Variants in CCM2 observed in about 807,000 individuals in gnomAD.
CCM2 encodes CCM2 scaffold protein, also known as cerebral cavernous malformations 2 protein.
In CCM2, 25 loss-of-function variants were observed where a neutral mutation model predicts 44.9. The observed-to-expected ratio is 0.56, with a 90% CI of 0.41 to 0.78. CCM2 has a LOEUF of 0.78. Among genes scored for constraint, CCM2 ranks in the 30% least tolerant of loss-of-function variants. The pLI, the probability that CCM2 is intolerant of heterozygous loss-of-function variation, is 0.00. For synonymous variants in CCM2, 219 were observed against 241.1 expected, an observed-to-expected ratio of 0.91 and a Z score of 0.85; for missense variants, 481 against 580.6, an observed-to-expected ratio of 0.83 and a Z score of 1.76.
chr7:45,073,343 A>G (rs1427617056), intron 7 of CCM2, 117 bp from the exon 8 acceptor site: 2 of 718,334 alleles, frequency 2.8e-6, no homozygotes, highest in Non-Finnish European at 5.0e-6. Context: ...ATCATCACTT[A>G]CATTCCTCTG....
At chr7:45,004,679 T>A (rs1795774419) in intron 1 of CCM2, among the ~76,000 whole-genome samples, 1 of 152,150 alleles carries the variant, frequency 6.6e-6, no homozygotes, top group African/African-American at 2.4e-5. Context: ...TTAAACGCTC[T>A]GATTTTTTAA....
At chr7:45,046,215 C>G (rs1254635251) in intron 2 of CCM2, among the ~76,000 whole-genome samples, 3 of 152,188 alleles carry the variant, frequency 2.0e-5, no homozygotes, top group Admixed American at 1.3e-4. Context: ...CAAGACTATT[C>G]TTAAAGTGCA....
chr7:45,069,543 A>G (rs1798951349), intron 5 of CCM2, among the ~76,000 whole-genome samples: 1 of 152,240 alleles, frequency 6.6e-6, no homozygotes, highest in South Asian at 2.1e-4. Flanking sequence ...AATGGAAAGA[A>G]GACGTTGGAC....
chr7:45,069,469 G>A (rs942803850), intron 5 of CCM2, among the ~76,000 whole-genome samples: 1 of 152,208 alleles, frequency 6.6e-6, no homozygotes, highest in African/African-American at 2.4e-5. Flanking sequence ...TGATACTGAT[G>A]GTATCTCCTC....
chr7:45,038,171 G>T, intron 1 of CCM2, 82 bp from the exon 2 acceptor site: 1 of 1,547,722 alleles, frequency 6.5e-7, no homozygotes, highest in Admixed American at 1.7e-5. Flanking sequence ...AGTAGTTTTG[G>T]CTACTTCTGT....
At chr7:45,072,980 C>T (rs1799154232) in intron 7 of CCM2, 197 bp downstream of exon 7, 1 of 666,914 alleles carries the variant, frequency 1.5e-6, no homozygotes, top group South Asian at 1.6e-5. Context: ...AGAGCCCTTG[C>T]TGTCCCTCTT....
intron 1 of CCM2, among the ~76,000 whole-genome samples, chr7:45,021,370 C>G (rs1224850160): frequency 2.0e-5 from 3 of 151,984 alleles, no homozygotes; most frequent in African/African-American, 7.2e-5. Context: ...CAAGACCAGC[C>G]TGGCCAACAT....
At chr7:45,035,638 A>G (rs1797179631) in intron 1 of CCM2, among the ~76,000 whole-genome samples, 1 of 152,162 alleles carries the variant, frequency 6.6e-6, no homozygotes, top group South Asian at 2.1e-4. Context: ...AGGCGGATGC[A>G]GGGGTGGGTC....
At chr7:45,040,245 G>A (rs549842629) in intron 2 of CCM2, among the ~76,000 whole-genome samples, 29 of 151,958 alleles carry the variant, frequency 1.9e-4, no homozygotes, top group South Asian at 6.2e-4. Context: ...TTAGCCGGGC[G>A]CGGTGGCGGG....
At chr7:45,031,897 G>A (rs1387912356) in intron 1 of CCM2, among the ~76,000 whole-genome samples, 3 of 152,126 alleles carry the variant, frequency 2.0e-5, no homozygotes, top group African/African-American at 7.2e-5. Flanking sequence ...GTGTTCAAAA[G>A]CAACTTCTTT....
At chr7:45,072,398 C>A (rs1799123629) in intron 6 of CCM2, 1 of 477,298 alleles carries the variant, frequency 2.1e-6, no homozygotes, top group Non-Finnish European at 3.9e-6. Context: ...AGACAAAGCC[C>A]CAGTAACCCT....
At position 45,076,016 on chromosome 7, in the gene CCM2, A is replaced by G; in HGVS notation, c.1294A>G (p.Ile432Val). 1 of 1,613,074 alleles carries G rather than the reference A, an allele frequency of 6.2e-7. No individual in the cohort carries two copies. Residue 432 changes from isoleucine (I) to valine (V), a missense_variant, in exon 10 of 10, where the codon ATT becomes GTT. Ile to Val is a conservative substitution (Grantham distance 29, BLOSUM62 3). Coordinates refer to ENST00000258781, the MANE Select transcript of CCM2 (RefSeq NM_031443.4). ...CATGATCTCGGACATCAGCAGCGACATTGAGGCGCTGGGCTGCAGCATGGA... is the reference window on the plus strand; with the variant it reads ...CATGATCTCGGACATCAGCAGCGACGTTGAGGCGCTGGGCTGCAGCATGGA... ...DRMISDISSD[I>V]EALGCSMDQD...
chr7:45,072,866 C>T, intron 7 of CCM2, 83 bp downstream of exon 7: 1 of 1,139,334 alleles, frequency 8.8e-7, no homozygotes, highest in Non-Finnish European at 1.3e-6. Flanking sequence ...AGCCAGTCAG[C>T]TCCCCCATCT....
At chr7:45,056,409 CTT>C (rs994327680) in intron 2 of CCM2, among the ~76,000 whole-genome samples, 3 of 152,076 alleles carry the variant, frequency 2.0e-5, no homozygotes, top group Non-Finnish European at 4.4e-5. Flanking sequence ...AATCCTAGCA[CTT>C]TGGGAGGCTG....
At chr7:45,050,338 C>G (rs1352667421) in intron 2 of CCM2, among the ~76,000 whole-genome samples, 1 of 152,182 alleles carries the variant, frequency 6.6e-6, no homozygotes, top group Non-Finnish European at 1.5e-5. Flanking sequence ...ACATATTTCT[C>G]AGAATGTATC....
At chr7:45,027,359 G>T in intron 1 of CCM2, 1 of 383,184 alleles carries the variant, frequency 2.6e-6, no homozygotes, top group Non-Finnish European at 5.0e-6. Flanking sequence ...GTTTAGCTTT[G>T]GCATTTGAAT....
At chr7:45,017,008 A>T (rs559453693) in intron 1 of CCM2, among the ~76,000 whole-genome samples, 1 of 152,176 alleles carries the variant, frequency 6.6e-6, no homozygotes, top group South Asian at 2.1e-4. Flanking sequence ...TGACCTCGTG[A>T]TCCACCTGCC....
At chr7:45,074,518 C>T (rs1799251273) in intron 9 of CCM2, 110 bp downstream of exon 9, 1 of 859,944 alleles carries the variant, frequency 1.2e-6, no homozygotes, top group East Asian at 2.6e-5. Context: ...GGGGCTCCAT[C>T]AGGGATGGGA....
rs751441309 is a variant in CCM2, at chr7:45,074,398, C to T, written c.1044C>T (p.Phe348=). 6.2e-7 allele frequency: 1 copy of T among 1,613,278 alleles called. No homozygotes were observed. The highest frequency in any genetic ancestry group is 2.2e-5 in the East Asian group (1 of 44,866). The change falls in exon 9 of 10, where the codon TTC becomes TTT. Residue 348 remains phenylalanine (F), a synonymous_variant. Coordinates refer to ENST00000258781, the MANE Select transcript of CCM2 (RefSeq NM_031443.4). ...AGCTCTACGGGGACAGCCGCAAGTT[C>T]CTGCTGCTTGGTGAGTGGGCCCTGG... ...LRQLYGDSRK[F]LLLGLRPFIP...
Sources: allele counts gnomAD v4.1 joint callset (sites outside exome capture counted in the v4.1 genomes callset), GRCh38; gene constraint gnomAD v4.1.1; transcripts MANE v1.5; gene names NCBI Gene and HGNC (gene_info 2026-07-23, HGNC 2026-07-21).